Variants in CALCRL observed in about 807,000 individuals in gnomAD.
CALCRL encodes the protein calcitonin gene-related peptide type 1 receptor.
Under a neutral mutation model 60.4 loss-of-function variants are expected in CALCRL, and 27 were observed. The observed-to-expected ratio is 0.45, with a 90% CI of 0.33 to 0.62. CALCRL has a LOEUF of 0.62. Ranked by LOEUF, CALCRL falls within the 20% of genes least tolerant of loss-of-function variation. The pLI is 0.03. For missense variants in CALCRL, 424 were observed against 540.7 expected, an observed-to-expected ratio of 0.78 and a Z score of 2.14; for synonymous variants, 190 against 182.6, an observed-to-expected ratio of 1.04 and a Z score of -0.33.
chr2:187,414,137 C>G (rs1288345949), intron 1 of CALCRL, among the ~76,000 whole-genome samples: 1 of 151,942 alleles, frequency 6.6e-6, no homozygotes, highest in East Asian at 1.9e-4. Flanking sequence ...TGTCATCTAA[C>G]AGGAGGAAAG....
intron 1 of CALCRL, among the ~76,000 whole-genome samples, chr2:187,416,129 C>G (rs1488107353): frequency 8.5e-5 from 13 of 152,102 alleles, no homozygotes; most frequent in Admixed American, 8.5e-4. Flanking sequence ...TGCAACTCTA[C>G]TAGGTAACGC....
chr2:187,428,904 A>AG (rs1690273246), intron 1 of CALCRL: 1 of 146,076 alleles, frequency 6.8e-6, no homozygotes, highest in Non-Finnish European at 1.5e-5. Flanking sequence ...AAAAAAAAAA[A>AG]AAAAATTACT....
intron 5 of CALCRL, among the ~76,000 whole-genome samples, chr2:187,381,613 G>A (rs1351309618): frequency 3.3e-5 from 5 of 151,812 alleles, no homozygotes; most frequent in Admixed American, 6.6e-5. Flanking sequence ...CCGCCACTGC[G>A]CCCAGCTAAT....
chr2:187,418,765 GTTCT>G (rs1170320944), intron 1 of CALCRL, among the ~76,000 whole-genome samples: 1 of 150,032 alleles, frequency 6.7e-6, no homozygotes, highest in Non-Finnish European at 1.5e-5. Flanking sequence ...TCTGAGATGT[GTTCT>G]TTATCTTTAT....
In CALCRL at chr2:187,344,603, T is replaced by G. The variant is rs2105673549; in HGVS notation, c.*1581A>C. 6.6e-6 allele frequency: 1 copy of G among 151,824 alleles called. No homozygotes were observed. The highest frequency in any genetic ancestry group is 2.4e-5 in the African/African-American group (1 of 41,536). The allele number at this position is 151,824 out of a possible 1,614,324, so 9.4% of individuals were successfully genotyped here. Reference sequence around the variant, plus strand: ...AAGGTTTTCTTCTATCTTTATTTAATAAAGTCTGACAATAATTCAGTAAGA... The same window carrying G: ...AAGGTTTTCTTCTATCTTTATTTAAGAAAGTCTGACAATAATTCAGTAAGA... On this transcript the variant is annotated 3_prime_UTR_variant, in exon 15 of 15. Coordinates refer to ENST00000392370, the MANE Select transcript of CALCRL (RefSeq NM_005795.6).
rs1425866993 is a variant in CALCRL, at chr2:187,352,123, C to T, written c.1119G>A (p.Met373Ile). 1 of 1,611,508 alleles carries T rather than the reference C, an allele frequency of 6.2e-7. No individual in the cohort carries two copies. The highest frequency in any genetic ancestry group is 8.5e-7 in the Non-Finnish European group (1 of 1,178,290). Residue 373 changes from methionine to isoleucine, a missense_variant, in exon 13 of 15, where the codon ATG (methionine) becomes ATA (isoleucine). By Grantham distance (10) the Met-to-Ile change is conservative. Coordinates refer to ENST00000392370, the MANE Select transcript of CALCRL (RefSeq NM_005795.6). ...EVYDYIMHIL[M>I]HFQGLLVSTI... The stretch of plus-strand genomic sequence containing the variant: ...ATCAAGAATGCCATACCTGGAAGTG[C>T]ATAAGGATGTGCATGATGTAGTCAT...
At chr2:187,378,179 C>A (rs1687844628) in intron 8 of CALCRL, among the ~76,000 whole-genome samples, 2 of 151,858 alleles carry the variant, frequency 1.3e-5, no homozygotes, top group South Asian at 2.1e-4. Flanking sequence ...GTGGCGGTGG[C>A]AGCCACAGGA....
intron 1 of CALCRL, among the ~76,000 whole-genome samples, chr2:187,398,469 A>C (rs1446503483): frequency 6.6e-6 from 1 of 151,566 alleles, no homozygotes; most frequent in African/African-American, 2.4e-5. Flanking sequence ...GCACATTCCA[A>C]CTTTTAGGAG....
chr2:187,437,115 A>T (rs1329513719), intron 1 of CALCRL, among the ~76,000 whole-genome samples: 1 of 152,178 alleles, frequency 6.6e-6, no homozygotes, highest in East Asian at 1.9e-4. Flanking sequence ...AAGCCTTCAC[A>T]TTGCATTTGT....
chr2:187,402,315 A>C (rs934388733), intron 1 of CALCRL, among the ~76,000 whole-genome samples: 67 of 151,768 alleles, frequency 4.4e-4, no homozygotes, highest in African/African-American at 1.2e-3. Context: ...GTAGAATGAT[A>C]TGTACAAATA....
chr2:187,427,015 C>T (rs1690170193), intron 1 of CALCRL, among the ~76,000 whole-genome samples: 1 of 152,148 alleles, frequency 6.6e-6, no homozygotes, highest in Admixed American at 6.5e-5. Flanking sequence ...CCATCCCTGT[C>T]CCCTTGTTTG....
chr2:187,378,454 A>G (rs1687856038), intron 8 of CALCRL, among the ~76,000 whole-genome samples: 1 of 152,174 alleles, frequency 6.6e-6, no homozygotes, highest in African/African-American at 2.4e-5. Flanking sequence ...TGAAAGTACA[A>G]TTAAACCTTT....
At chr2:187,438,652 C>T (rs1292899605) in intron 1 of CALCRL, among the ~76,000 whole-genome samples, 2 of 151,922 alleles carry the variant, frequency 1.3e-5, no homozygotes, top group Non-Finnish European at 2.9e-5. Context: ...CAGCCAGTTT[C>T]AACAAGAATT....
At chr2:187,380,030 C>T (rs1330609011) in intron 7 of CALCRL, among the ~76,000 whole-genome samples, 1 of 152,072 alleles carries the variant, frequency 6.6e-6, no homozygotes, top group Non-Finnish European at 1.5e-5. Flanking sequence ...ATAGTTAGTG[C>T]GAATAACCTA....
chr2:187,389,737 T>A (rs1419940990), intron 1 of CALCRL, among the ~76,000 whole-genome samples: 1 of 152,162 alleles, frequency 6.6e-6, no homozygotes, highest in Non-Finnish European at 1.5e-5. Flanking sequence ...ACTGAATATT[T>A]TATTTAAGTA....
intron 8 of CALCRL, among the ~76,000 whole-genome samples, chr2:187,376,799 T>G (rs1338384441): frequency 6.6e-6 from 1 of 152,138 alleles, no homozygotes; most frequent in Non-Finnish European, 1.5e-5. Context: ...ATTATTATAC[T>G]TTGCAACTTT....
intron 1 of CALCRL, among the ~76,000 whole-genome samples, chr2:187,429,713 C>A (rs1458049516): frequency 6.6e-6 from 1 of 152,136 alleles, no homozygotes; most frequent in African/African-American, 2.4e-5. Context: ...ACTATTAGAA[C>A]AAAAACAACT....
chr2:187,421,837 A>G (rs763075541), intron 1 of CALCRL, among the ~76,000 whole-genome samples: 5 of 152,214 alleles, frequency 3.3e-5, no homozygotes, highest in Non-Finnish European at 7.3e-5. Context: ...GAGCCTTTAC[A>G]TTCTCATCGT....
At chr2:187,385,450 A>G in intron 4 of CALCRL, 95 bp downstream of exon 4, 1 of 660,498 alleles carries the variant, frequency 1.5e-6, no homozygotes, top group Admixed American at 2.9e-5. Flanking sequence ...AAATGTAACT[A>G]ATTTCTGTAT....
Sources: gnomAD v4.1 joint callset for allele counts (sites outside exome capture counted in the v4.1 genomes callset) on GRCh38, gnomAD v4.1.1 for gene constraint, MANE v1.5 for transcripts, NCBI Gene and HGNC (gene_info 2026-07-23, HGNC 2026-07-21) for gene names.